Variants in TSPAN13 observed in about 807,000 individuals in gnomAD.
The protein encoded by TSPAN13 is tetraspanin 13, also known as tetraspanin-13.
In TSPAN13, 18 loss-of-function variants were observed where a neutral mutation model predicts 26.9. The ratio of observed to expected loss-of-function variants is 0.67; its 90% CI spans 0.46 to 0.99. TSPAN13 has a LOEUF of 0.99. TSPAN13 is among the 50% of genes least tolerant of loss of function. The pLI is 0.00. For missense variants in TSPAN13, 201 were observed against 249.6 expected, an observed-to-expected ratio of 0.81 and a Z score of 1.31; for synonymous variants, 116 against 98.4, an observed-to-expected ratio of 1.18 and a Z score of -1.06.
intron 1 of TSPAN13, among the ~76,000 whole-genome samples, chr7:16,760,433 A>T (rs984705115): frequency 6.6e-6 from 1 of 152,194 alleles, no homozygotes; most frequent in Non-Finnish European, 1.5e-5. Flanking sequence ...GGCTCAAGGA[A>T]TTGGCAGGAT....
chr7:16,776,201 GT>G lies in TSPAN13; in HGVS notation c.64-5del. ...CGTCCTCTACCCCTGCCCCCTGGGT[GT>G]TTTTGCAGTTGGTTAGTCTGCTGCT... On this transcript the variant is annotated splice_polypyrimidine_tract_variant and intron_variant, in intron 1 of 5. Transcript: ENST00000262067. 1 of 1,612,568 alleles carries G rather than the reference GT, an allele frequency of 6.2e-7. No homozygotes were observed. Among genetic ancestry groups the G allele is most frequent in the Non-Finnish European group, 8.5e-7 (1 of 1,178,904 alleles).
chr7:16,762,730 C>T (rs1784558080), intron 1 of TSPAN13, among the ~76,000 whole-genome samples: 1 of 152,140 alleles, frequency 6.6e-6, no homozygotes. Flanking sequence ...GTCATGGGCC[C>T]AGTCTCCATC....
intron 5 of TSPAN13, among the ~76,000 whole-genome samples, chr7:16,780,750 G>T (rs1784805226): frequency 1.3e-5 from 2 of 152,192 alleles, no homozygotes; most frequent in Admixed American, 1.3e-4. Context: ...CAGTTTTCTT[G>T]TCATCAGATC....
Position 16,777,831 on chromosome 7 carries a change from GCAA to G in TSPAN13, c.347_349del (p.Ala116_Ser117delinsGly), listed in dbSNP as rs772997561. The G allele has an allele frequency of 6.2e-7, 1 of 1,613,862 alleles. No individual in the cohort carries two copies. The highest frequency in any genetic ancestry group is 1.1e-5 in the South Asian group (1 of 91,064). ...TCTGGAGGTTGGTTGGAACAATACG[GCAA>G]GTGCTCGAAATGACATCCAGAGAAA... On this transcript the variant is annotated inframe_deletion, in exon 4 of 6. Coordinates refer to ENST00000262067, the MANE Select transcript of TSPAN13 (RefSeq NM_014399.4).
At chr7:16,765,386 G>A (rs1346537293) in intron 1 of TSPAN13, among the ~76,000 whole-genome samples, 3 of 152,202 alleles carry the variant, frequency 2.0e-5, no homozygotes, top group African/African-American at 7.2e-5. Context: ...TTACAGGCAT[G>A]AGCCACTGCG....
chr7:16,766,196 G>C (rs1784601430), intron 1 of TSPAN13, among the ~76,000 whole-genome samples: 1 of 152,168 alleles, frequency 6.6e-6, no homozygotes, highest in South Asian at 2.1e-4. Flanking sequence ...TCATACACAA[G>C]AAAACACATT....
At position 16,753,835 on chromosome 7, in the gene TSPAN13, C is replaced by G. The variant is rs1237194296; in HGVS notation, c.-133C>G. The G allele has an allele frequency of 4.2e-6, 4 of 956,658 alleles. No homozygotes were observed. In the East Asian group the frequency reaches 8.3e-5, roughly 20 times the overall value. The allele number at this position is 956,658 out of a possible 1,614,324, so 59.3% of individuals were successfully genotyped here. A position where few individuals can be genotyped will look rare whatever the true frequency, so the allele number is the denominator to read the frequency against. On this transcript the variant is annotated 5_prime_UTR_variant, in exon 1 of 6. Transcript: ENST00000262067. ...GCGCGCCGCGCACTGCAGCCCCAGG[C>G]CCCGGCCCCCCACCCACGTCTGCGT...
intron 1 of TSPAN13, among the ~76,000 whole-genome samples, chr7:16,767,671 A>G (rs115166110): frequency 0.011 from 1,676 of 152,230 alleles, 29 homozygotes; most frequent in African/African-American, 0.038. Context: ...CTTGTACACA[A>G]GTTTTAGGTT....
chr7:16,772,997 A>C (rs1374747273), intron 1 of TSPAN13, among the ~76,000 whole-genome samples: 1 of 152,110 alleles, frequency 6.6e-6, no homozygotes, highest in African/African-American at 2.4e-5. Flanking sequence ...CTCTGTCTCC[A>C]AAAAATAAAA....
intron 1 of TSPAN13, among the ~76,000 whole-genome samples, chr7:16,768,492 T>C (rs1192219052): frequency 6.6e-6 from 1 of 152,228 alleles, no homozygotes; most frequent in Non-Finnish European, 1.5e-5. Flanking sequence ...ACCTACCTCT[T>C]AGGGTTTTTG....
chr7:16,763,116 A>T (rs1265838661), intron 1 of TSPAN13, among the ~76,000 whole-genome samples: 2 of 152,128 alleles, frequency 1.3e-5, no homozygotes, highest in African/African-American at 4.8e-5. Context: ...AACGCTAAGG[A>T]GGATGTTTGT....
At chr7:16,771,069 T>C (rs1784671929) in intron 1 of TSPAN13, among the ~76,000 whole-genome samples, 1 of 152,218 alleles carries the variant, frequency 6.6e-6, no homozygotes, top group South Asian at 2.1e-4. Flanking sequence ...CTATGAAACC[T>C]AAATCCTTTC....
chr7:16,769,103 C>T (rs374830860), intron 1 of TSPAN13, among the ~76,000 whole-genome samples: 3 of 152,036 alleles, frequency 2.0e-5, no homozygotes, highest in Admixed American at 6.6e-5. Context: ...TAGGATTACA[C>T]GCATGAGCCA....
Position 16,754,082 on chromosome 7 carries a change from G to A in TSPAN13, c.63+52G>A, listed in dbSNP as rs767969041. ...CGCTTGGGGGCTTTGCACCTGCTTGGGAGCTCTTTGGCTTCCCTGCCTGGT... is the reference window on the plus strand; with the variant it reads ...CGCTTGGGGGCTTTGCACCTGCTTGAGAGCTCTTTGGCTTCCCTGCCTGGT... On this transcript the variant is annotated intron_variant, in intron 1 of 5. Coordinates refer to ENST00000262067, the MANE Select transcript of TSPAN13 (RefSeq NM_014399.4). 12 of 1,575,618 alleles carry A rather than the reference G, an allele frequency of 7.6e-6. No homozygotes were observed. The Admixed American group carries it at 8.5e-5, about 11-fold the overall frequency.
intron 1 of TSPAN13, among the ~76,000 whole-genome samples, chr7:16,761,202 G>A (rs533744398): frequency 1.3e-3 from 204 of 152,238 alleles, no homozygotes; most frequent in Admixed American, 3.1e-3. Context: ...GTGGCATCAC[G>A]GAGAGCCATA....
chr7:16,758,031 C>T (rs771301382), intron 1 of TSPAN13, among the ~76,000 whole-genome samples: 8 of 152,044 alleles, frequency 5.3e-5, no homozygotes, highest in African/African-American at 9.7e-5. Context: ...GACGGGGTTT[C>T]GCCGTGTTGG....
Position 16,783,406 on chromosome 7 carries a change from C to T in TSPAN13, c.541-11C>T, listed in dbSNP as rs1784835427. ...CTTTTTCTTTACTTTATTTTTTTTT[C>T]CCCATTCCAGATCCTGGGTGTTTGG... is the stretch of plus-strand genomic sequence containing the variant. On this transcript the variant is annotated splice_polypyrimidine_tract_variant and intron_variant, in intron 5 of 5. Coordinates refer to ENST00000262067, the MANE Select transcript of TSPAN13 (RefSeq NM_014399.4). 1.9e-6 allele frequency: 3 copies of T among 1,603,558 alleles called. No individual in the cohort carries two copies. Among genetic ancestry groups the T allele is most frequent in the African/African-American group, 1.4e-5 (1 of 74,004 alleles).
chr7:16,768,689 G>A (rs34614062), intron 1 of TSPAN13, among the ~76,000 whole-genome samples: 44,365 of 151,976 alleles, frequency 0.29, 7,110 homozygotes, highest in Admixed American at 0.36. Flanking sequence ...ATGGTTTGAG[G>A]TAGGGATTAA....
At chr7:16,757,279 T>C (rs1316164075) in intron 1 of TSPAN13, among the ~76,000 whole-genome samples, 1 of 152,114 alleles carries the variant, frequency 6.6e-6, no homozygotes, top group Non-Finnish European at 1.5e-5. Flanking sequence ...AAAATGAAAA[T>C]GATTTGGGAA....
Sources: gnomAD v4.1 joint callset for allele counts (sites outside exome capture counted in the v4.1 genomes callset) on GRCh38, gnomAD v4.1.1 for gene constraint, MANE v1.5 for transcripts, NCBI Gene and HGNC (gene_info 2026-07-23, HGNC 2026-07-21) for gene names.